Variants in ITFG2 observed in about 807,000 individuals in gnomAD.
The protein encoded by ITFG2 is KICSTOR complex protein ITFG2.
Under a neutral mutation model 54.4 loss-of-function variants are expected in ITFG2, and 36 were observed. That is an observed-to-expected ratio of 0.66 (90% confidence interval 0.51 to 0.87). ITFG2 has a LOEUF of 0.87. ITFG2 is among the 40% of genes least tolerant of loss of function. The probability of loss-of-function intolerance (pLI) is 0.00; values close to 1 mark genes in which losing one functional copy is unlikely to be tolerated. For synonymous variants in ITFG2, 211 were observed against 225.4 expected (o/e 0.94, Z 0.57); for missense variants, 524 against 576.7 (o/e 0.91, Z 0.94).
chr12:2,824,100 C>A lies in ITFG2; in HGVS notation c.1251C>A (p.Asp417Glu). ...CTTCTTGGCTCTCAGATCCTGACGA[C>A]CTCCCTGTGACTCGTGCCCTGCTTC... ...LLQELGVDPDDLPVTRALLHQ... is the reference protein window; with the variant it reads ...LLQELGVDPDELPVTRALLHQ... Residue 417 changes from aspartate to glutamate, a missense_variant, in exon 12 of 12, where the codon GAC becomes GAA. Physicochemically the swap from Asp to Glu is conservative, Grantham distance 45. Transcript: ENST00000228799. The A allele has an allele frequency of 6.2e-7, 1 of 1,614,116 alleles. No individual in the cohort carries two copies. The highest frequency in any genetic ancestry group is 8.5e-7 in the Non-Finnish European group (1 of 1,180,034).
chr12:2,815,497 C>A (rs867965187), intron 1 of ITFG2, among the ~76,000 whole-genome samples: 10 of 152,250 alleles, frequency 6.6e-5, no homozygotes, highest in African/African-American at 2.4e-4. Context: ...CCCCCTCAGG[C>A]CCCACCATCC....
intron 2 of ITFG2, chr12:2,855,170 C>T (rs926304579): frequency 1.2e-5 from 18 of 1,517,222 alleles, no homozygotes; most frequent in African/African-American, 4.1e-5. Flanking sequence ...ACATTGCTAT[C>T]GTAGGGCCTG....
intron 2 of ITFG2, chr12:2,857,014 G>T: frequency 2.8e-6 from 2 of 702,980 alleles, no homozygotes; most frequent in Middle Eastern, 2.3e-4. Context: ...GATCTTTGCC[G>T]GTTACTGGCC....
chr12:2,819,475 A>G (rs2097934757), intron 4 of ITFG2, among the ~76,000 whole-genome samples: 1 of 152,088 alleles, frequency 6.6e-6, no homozygotes, highest in East Asian at 1.9e-4. Flanking sequence ...CTCAAAAAAA[A>G]AAAAAATGAG....
chr12:2,855,012 C>T (rs1483881995), intron 2 of ITFG2: 2 of 1,536,068 alleles, frequency 1.3e-6, no homozygotes, highest in East Asian at 4.9e-5. Context: ...TCCTGAAAAT[C>T]ACCTGCTTCT....
At chr12:2,827,293 T>C (rs147812548), downstream of ITFG2, 2 of 1,613,696 alleles carry the variant, frequency 1.2e-6, no homozygotes, top group African/African-American at 2.7e-5. This position sits in a 1 kb window ranked among gnomAD's most constrained non-coding sequence, Gnocchi z 4.0. Context: ...TCCAGGTCGA[T>C]GCAGCACTGC....
At chr12:2,841,246 T>C (rs1163963029) in intron 2 of ITFG2, among the ~76,000 whole-genome samples, 2 of 152,266 alleles carry the variant, frequency 1.3e-5, no homozygotes, top group Non-Finnish European at 2.9e-5. Flanking sequence ...CCTGGCATAG[T>C]GCCCATCCCA....
At chr12:2,827,157 T>A, downstream of ITFG2, 1 of 1,612,856 alleles carries the variant, frequency 6.2e-7, no homozygotes, top group South Asian at 1.1e-5. This position sits in a 1 kb window ranked among gnomAD's most constrained non-coding sequence, Gnocchi z 4.0. Flanking sequence ...CCCACACGCC[T>A]CTTCTTCTAA....
chr12:2,827,825 G>A (rs557861122), downstream of ITFG2: 3 of 1,604,134 alleles, frequency 1.9e-6, no homozygotes, highest in East Asian at 2.2e-5. The surrounding 1 kb of genome is among the most constrained non-coding windows in gnomAD (Gnocchi z 4.0). Context: ...AACATCTCTG[G>A]GAACTCCTCG....
At chr12:2,856,526 T>C (rs2098087876) in intron 2 of ITFG2, among the ~76,000 whole-genome samples, 1 of 152,236 alleles carries the variant, frequency 6.6e-6, no homozygotes, top group African/African-American at 2.4e-5. Flanking sequence ...CCACCATGCC[T>C]GGCTAATTTG....
intron 2 of ITFG2, among the ~76,000 whole-genome samples, chr12:2,843,900 G>A (rs2098047232): frequency 1.3e-5 from 2 of 148,826 alleles, no homozygotes; most frequent in South Asian, 4.2e-4. Context: ...TTCTTCATCT[G>A]TAAAAATGAA....
At chr12:2,844,918 T>C (rs7958378) in intron 2 of ITFG2, among the ~76,000 whole-genome samples, 34,793 of 152,132 alleles carry the variant, frequency 0.23, 5,246 homozygotes, top group African/African-American at 0.43. Context: ...ATTTGGACAA[T>C]GGCAAGATGC....
chr12:2,827,659 A>G, downstream of ITFG2: 1 of 1,614,146 alleles, frequency 6.2e-7, no homozygotes. This position sits in a 1 kb window ranked among gnomAD's most constrained non-coding sequence, Gnocchi z 4.0. Flanking sequence ...GCCCAGGCAG[A>G]ATTCAGGACT....
At chr12:2,819,626 CA>C (rs200377386) in intron 4 of ITFG2, 295 of 136,396 alleles carry the variant, frequency 2.2e-3, no homozygotes, top group Middle Eastern at 3.8e-3. Flanking sequence ...GACTCTGTCT[CA>C]AAAAAAAAAA....
chr12:2,824,057 A>G, intron 11 of ITFG2, 33 bp from the exon 12 acceptor site: 2 of 1,613,892 alleles, frequency 1.2e-6, no homozygotes, highest in Non-Finnish European at 1.7e-6. Flanking sequence ...CAGGAGACCC[A>G]CAGCCTCTTA....
intron 2 of ITFG2, among the ~76,000 whole-genome samples, chr12:2,847,072 G>T (rs2098055178): frequency 6.6e-6 from 1 of 152,056 alleles, no homozygotes; most frequent in Non-Finnish European, 1.5e-5. Context: ...CTGTGGCTTT[G>T]CAGGTTCTAG....
At chr12:2,858,748 T>A in intron 3 of ITFG2, 1 of 1,614,190 alleles carries the variant, frequency 6.2e-7, no homozygotes, top group Non-Finnish European at 8.5e-7. Flanking sequence ...AGGCTGTCAT[T>A]CATTGTGTCC....
chr12:2,845,510 A>G lies in ITFG2; in HGVS notation n.300+4515A>G, dbSNP rs973672766. ...TCATGACACCAAGATCAGGCTTGGAAAGGGGGAGGTGGAGGGAGGGGAGTT... is the reference window on the plus strand; with the variant it reads ...TCATGACACCAAGATCAGGCTTGGAGAGGGGGAGGTGGAGGGAGGGGAGTT... On this transcript the variant is annotated intron_variant and non_coding_transcript_variant, in intron 2 of 3. Coordinates refer to the ITFG2 transcript ENST00000537710. The surrounding 1 kb of genome is among the most constrained non-coding windows in gnomAD (Gnocchi z 4.2). Among the ~76,000 whole-genome samples the G allele has an allele frequency of 3.3e-5, 5 of 152,120 alleles. No individual in the cohort carries two copies. The highest frequency in any genetic ancestry group is 7.4e-5 in the Non-Finnish European group (5 of 68,016).
chr12:2,812,902 A>G (rs1170421809), intron 1 of ITFG2, 46 bp downstream of exon 1: 1 of 1,530,906 alleles, frequency 6.5e-7, no homozygotes, highest in South Asian at 1.1e-5. Flanking sequence ...CTGTGCAGGG[A>G]CGGGGCAAGG....
Sources: gnomAD v4.1 joint callset for allele counts (sites outside exome capture counted in the v4.1 genomes callset) on GRCh38, gnomAD v4.1.1 for gene constraint, Gnocchi (gnomAD v3.1) non-coding constraint, MANE v1.5 for transcripts, NCBI Gene and HGNC (gene_info 2026-07-23, HGNC 2026-07-21) for gene names.